The following EPM2A variants were observed in gnomAD, a reference collection of about 807,000 sequenced individuals.
The protein encoded by EPM2A is EPM2A glucan phosphatase, laforin, also known as laforin.
In EPM2A, 21 loss-of-function variants were observed where a neutral mutation model predicts 26.5. That is an observed-to-expected ratio of 0.79 (90% confidence interval 0.56 to 1.14). The LOEUF (loss-of-function observed/expected upper bound fraction) is 1.14. Among genes scored for constraint, EPM2A ranks in the 50% most tolerant of loss-of-function variants. The pLI is 0.00. For missense variants in EPM2A, 458 were observed against 440.8 expected, an observed-to-expected ratio of 1.04 and a Z score of -0.35; for synonymous variants, 217 against 177.6, an observed-to-expected ratio of 1.22 and a Z score of -1.76.
At chr6:145,635,548 T>C in intron 2 of EPM2A, 62 bp from the exon 3 acceptor site, 1 of 1,517,484 alleles carries the variant, frequency 6.6e-7, no homozygotes, top group Middle Eastern at 1.7e-4. Context: ...TTTAAGGAGC[T>C]GCATAAAACA....
chr6:145,584,065 C>A (rs971762231), intron 2 of EPM2A, among the ~76,000 whole-genome samples: 2 of 152,148 alleles, frequency 1.3e-5, no homozygotes, highest in South Asian at 2.1e-4. Context: ...GTACCATGGG[C>A]TATCTGCACA....
At chr6:145,592,884 T>C (rs1044597851) in intron 2 of EPM2A, among the ~76,000 whole-genome samples, 1 of 151,798 alleles carries the variant, frequency 6.6e-6, no homozygotes, top group Non-Finnish European at 1.5e-5. Flanking sequence ...AAAAAGAAGG[T>C]AAAAGATATA....
intron 2 of EPM2A, among the ~76,000 whole-genome samples, chr6:145,612,182 C>T (rs1280766221): frequency 6.6e-6 from 1 of 152,118 alleles, no homozygotes; most frequent in Admixed American, 6.5e-5. Flanking sequence ...CTATATTATG[C>T]AAGTGCTATA....
intron 2 of EPM2A, among the ~76,000 whole-genome samples, chr6:145,511,692 G>A (rs775332822): frequency 1.3e-5 from 2 of 152,210 alleles, no homozygotes; most frequent in African/African-American, 2.4e-5. Context: ...TGTCCCCTAA[G>A]AAGTGAGATG....
At chr6:145,613,049 AC>A (rs1775426944) in intron 2 of EPM2A, among the ~76,000 whole-genome samples, 1 of 152,142 alleles carries the variant, frequency 6.6e-6, no homozygotes, top group East Asian at 1.9e-4. Context: ...ATCACATTTT[AC>A]CCAAAGCAGA....
At chr6:145,657,709 G>A (rs1303305687) in intron 2 of EPM2A, among the ~76,000 whole-genome samples, 1 of 152,200 alleles carries the variant, frequency 6.6e-6, no homozygotes, top group Non-Finnish European at 1.5e-5. Flanking sequence ...CCACAGGGCA[G>A]ATTTTTATTA....
intron 2 of EPM2A, among the ~76,000 whole-genome samples, chr6:145,524,886 A>G (rs773290362): frequency 8.6e-5 from 13 of 152,014 alleles, no homozygotes; most frequent in African/African-American, 1.2e-4. Flanking sequence ...TTCTTCTAAG[A>G]TTCTTACAAT....
intron 2 of EPM2A, among the ~76,000 whole-genome samples, chr6:145,586,870 C>A (rs1187917804): frequency 6.6e-6 from 1 of 152,176 alleles, no homozygotes; most frequent in Non-Finnish European, 1.5e-5. Flanking sequence ...TTCTGATGGT[C>A]CTTACCGGCA....
chr6:145,543,801 T>C (rs926233044), intron 2 of EPM2A, among the ~76,000 whole-genome samples: 2 of 152,010 alleles, frequency 1.3e-5, no homozygotes, highest in South Asian at 2.1e-4. Context: ...TGGGCCATTT[T>C]CCCCCTAGAT....
intron 2 of EPM2A, among the ~76,000 whole-genome samples, chr6:145,552,880 G>T (rs1306562280): frequency 6.6e-6 from 1 of 152,036 alleles, no homozygotes; most frequent in Non-Finnish European, 1.5e-5. Flanking sequence ...ATTAAAGAAA[G>T]ACAATCATTG....
intron 1 of EPM2A, among the ~76,000 whole-genome samples, chr6:145,734,063 T>A (rs562818300): frequency 6.7e-6 from 1 of 149,382 alleles, no homozygotes; most frequent in South Asian, 2.1e-4. Flanking sequence ...TTAAAAAAAA[T>A]GACTGCATTT....
chr6:145,541,836 T>C (rs1379792052), intron 2 of EPM2A, among the ~76,000 whole-genome samples: 2 of 152,162 alleles, frequency 1.3e-5, no homozygotes, highest in East Asian at 1.9e-4. Context: ...AGAACTCTGA[T>C]TGATTTCTGT....
chr6:145,632,538 T>A lies in EPM2A; in HGVS notation c.718+2707A>T, dbSNP rs561860035. On this transcript the variant is annotated intron_variant, in intron 3 of 3. Coordinates refer to ENST00000367519, the MANE Select transcript of EPM2A (RefSeq NM_005670.4). ...AACCAAAATGTTTATAAAAGATTTTTTAAAAAAAGAAATCTACACCACCAT... is the reference window on the plus strand; with the variant it reads ...AACCAAAATGTTTATAAAAGATTTTATAAAAAAAGAAATCTACACCACCAT... Among the ~76,000 whole-genome samples the A allele has an allele frequency of 6.0e-5, 9 of 150,136 alleles. No homozygotes were observed. In the South Asian group the frequency reaches 8.5e-4, roughly 14 times the overall value.
At chr6:145,457,751 T>G (rs1779280186) in intron 4 of EPM2A, among the ~76,000 whole-genome samples, 1 of 152,148 alleles carries the variant, frequency 6.6e-6, no homozygotes. Flanking sequence ...CTGCCAGATA[T>G]GGGCTCATTT....
intron 4 of EPM2A, among the ~76,000 whole-genome samples, chr6:145,387,995 C>T (rs6570679): frequency 0.87 from 132,885 of 152,074 alleles, 58,226 homozygotes; most frequent in East Asian, 1. Context: ...GGGTGTTAAC[C>T]ACACAGGCAT....
intron 4 of EPM2A, among the ~76,000 whole-genome samples, chr6:145,416,708 T>C (rs974225884): frequency 2.0e-5 from 3 of 152,164 alleles, no homozygotes; most frequent in Admixed American, 2.0e-4. Flanking sequence ...GAGAAAACTG[T>C]TTTGACTGCT....
At chr6:145,411,444 A>G (rs1050103695) in intron 4 of EPM2A, among the ~76,000 whole-genome samples, 35 of 152,182 alleles carry the variant, frequency 2.3e-4, no homozygotes, top group African/African-American at 8.2e-4. Flanking sequence ...TAATCACTTG[A>G]AACAGTTCAA....
chr6:145,680,288 T>C (rs956151555), intron 2 of EPM2A, among the ~76,000 whole-genome samples: 2 of 151,724 alleles, frequency 1.3e-5, no homozygotes, highest in African/African-American at 4.8e-5. Flanking sequence ...AACTAAAATG[T>C]AACACATAAA....
chr6:145,650,392 A>C (rs1777798699), intron 2 of EPM2A, among the ~76,000 whole-genome samples: 1 of 152,104 alleles, frequency 6.6e-6, no homozygotes, highest in African/African-American at 2.4e-5. Flanking sequence ...TCTGTACTAA[A>C]ATTACAAAAA....
Sources: gnomAD v4.1 joint callset for allele counts (sites outside exome capture counted in the v4.1 genomes callset) on GRCh38, gnomAD v4.1.1 for gene constraint, MANE v1.5 for transcripts, NCBI Gene and HGNC (gene_info 2026-07-23, HGNC 2026-07-21) for gene names.